Variants in SLC35F1 observed in about 807,000 individuals in gnomAD.
SLC35F1 encodes chromosome 6 open reading frame 169.
SLC35F1 carries 14 observed loss-of-function variants against 48.7 expected under a neutral mutation model. The ratio of observed to expected loss-of-function variants is 0.29; its 90% confidence interval spans 0.19 to 0.45. The LOEUF is 0.45. Ranked by LOEUF, SLC35F1 falls within the 20% of genes least tolerant of loss-of-function variation. SLC35F1 has a pLI of 1.00. For missense variants in SLC35F1, 404 were observed against 500.0 expected (o/e 0.81, Z 1.83); for synonymous variants, 190 against 202.2 (o/e 0.94, Z 0.51).
chr6:118,232,527 GAC>G (rs1256268069), intron 2 of SLC35F1, among the ~76,000 whole-genome samples: 6 of 123,570 alleles, frequency 4.9e-5, no homozygotes, highest in African/African-American at 3.3e-5. Context: ...CAGCCTGGGT[GAC>G]AAGAGTGAAA....
chr6:117,995,007 A>G (rs1776966923), intron 1 of SLC35F1, among the ~76,000 whole-genome samples: 1 of 152,186 alleles, frequency 6.6e-6, no homozygotes, highest in Non-Finnish European at 1.5e-5. Flanking sequence ...GAATTACAAT[A>G]CATGTTGGGG....
intron 2 of SLC35F1, among the ~76,000 whole-genome samples, chr6:118,203,741 A>G (rs1044695317): frequency 2.6e-5 from 4 of 152,212 alleles, no homozygotes; most frequent in African/African-American, 9.7e-5. Flanking sequence ...CATGTAATCC[A>G]AATTGCACTA....
intron 1 of SLC35F1, among the ~76,000 whole-genome samples, chr6:117,927,135 T>A (rs1432555129): frequency 6.6e-6 from 1 of 152,166 alleles, no homozygotes; most frequent in Admixed American, 6.5e-5. Context: ...CTGAAGAGGA[T>A]TAAAGATGGT....
chr6:118,209,994 T>C (rs1190996801), intron 2 of SLC35F1, among the ~76,000 whole-genome samples: 1 of 152,222 alleles, frequency 6.6e-6, no homozygotes, highest in Non-Finnish European at 1.5e-5. Flanking sequence ...ATCATTTAAA[T>C]GGCCTGCTAT....
At chr6:117,948,543 T>C (rs1295614142) in intron 1 of SLC35F1, among the ~76,000 whole-genome samples, 2 of 152,188 alleles carry the variant, frequency 1.3e-5, no homozygotes, top group Non-Finnish European at 2.9e-5. Flanking sequence ...TATTCATTTA[T>C]GTAGCAAACA....
chr6:118,135,780 T>G (rs947192041), intron 1 of SLC35F1, among the ~76,000 whole-genome samples: 1 of 152,214 alleles, frequency 6.6e-6, no homozygotes, highest in Non-Finnish European at 1.5e-5. Context: ...TCACATTCTC[T>G]CCAATGTATT....
chr6:118,210,725 G>C (rs965398549), intron 2 of SLC35F1, among the ~76,000 whole-genome samples: 1 of 152,210 alleles, frequency 6.6e-6, no homozygotes, highest in Non-Finnish European at 1.5e-5. Context: ...AACCTGTTGT[G>C]TCTCCTTGAC....
At chr6:118,270,205 A>G (rs892045029) in intron 4 of SLC35F1, among the ~76,000 whole-genome samples, 29 of 152,176 alleles carry the variant, frequency 1.9e-4, no homozygotes, top group Non-Finnish European at 2.9e-4. Flanking sequence ...CTTTGACTTC[A>G]TTATAATTAA....
intron 2 of SLC35F1, among the ~76,000 whole-genome samples, chr6:118,189,013 G>A (rs1774697752): frequency 6.6e-6 from 1 of 152,252 alleles, no homozygotes; most frequent in East Asian, 1.9e-4. Flanking sequence ...CTGGGCTCGA[G>A]CAATCCTCCC....
intron 2 of SLC35F1, among the ~76,000 whole-genome samples, chr6:118,189,754 T>C (rs1000776463): frequency 2.6e-5 from 4 of 152,196 alleles, no homozygotes; most frequent in Non-Finnish European, 1.5e-5. Flanking sequence ...TCACAGAAGA[T>C]TCAGAGAGAA....
chr6:118,196,721 T>C (rs1774805396), intron 2 of SLC35F1, among the ~76,000 whole-genome samples: 1 of 151,906 alleles, frequency 6.6e-6, no homozygotes, highest in Non-Finnish European at 1.5e-5. Flanking sequence ...AGACTCTGTC[T>C]CAAAAAAAAT....
intron 3 of SLC35F1, among the ~76,000 whole-genome samples, chr6:118,251,255 A>G (rs1412314590): frequency 6.6e-6 from 1 of 152,184 alleles, no homozygotes; most frequent in Non-Finnish European, 1.5e-5. Flanking sequence ...TAAATGAGTC[A>G]AGAAAGACCA....
chr6:118,273,787 A>G (rs909007463), intron 4 of SLC35F1, among the ~76,000 whole-genome samples: 2 of 152,132 alleles, frequency 1.3e-5, no homozygotes, highest in African/African-American at 2.4e-5. Context: ...CTAACTCCCC[A>G]TGAACCCAAA....
At chr6:118,128,014 A>G (rs1582681023) in intron 1 of SLC35F1, among the ~76,000 whole-genome samples, 2 of 151,998 alleles carry the variant, frequency 1.3e-5, no homozygotes, top group East Asian at 3.9e-4. Flanking sequence ...ATGAACAGAC[A>G]CTTCTCAAAA....
At chr6:118,272,777 A>ATG (rs1775872866) in intron 4 of SLC35F1, among the ~76,000 whole-genome samples, 1 of 146,578 alleles carries the variant, frequency 6.8e-6, no homozygotes, top group Non-Finnish European at 1.5e-5. Flanking sequence ...ATATATATAT[A>ATG]CCATTTTTTA....
At chr6:118,000,890 A>G (rs1562260706) in intron 1 of SLC35F1, among the ~76,000 whole-genome samples, 1 of 152,188 alleles carries the variant, frequency 6.6e-6, no homozygotes, top group Non-Finnish European at 1.5e-5. Flanking sequence ...TCCAACTTAC[A>G]GGGGACATGA....
chr6:118,250,156 C>T (rs980956531), intron 3 of SLC35F1, among the ~76,000 whole-genome samples: 1 of 152,216 alleles, frequency 6.6e-6, no homozygotes, highest in African/African-American at 2.4e-5. Flanking sequence ...GAACTCTTCT[C>T]TAACCACCCT....
At position 117,949,302 on chromosome 6, in the gene SLC35F1, A is replaced by C. The variant is rs531206755; in HGVS notation, c.173+41403A>C. On this transcript the variant is annotated intron_variant, in intron 1 of 7. Coordinates refer to ENST00000360388, the MANE Select transcript of SLC35F1 (RefSeq NM_001029858.4). ...CTGATGCTGACAATGTTAGTTCATT[A>C]GTCTTAACATGCTTCTCCAGTATTT... 1.2e-4 allele frequency among the ~76,000 whole-genome samples: 18 copies of C among 152,318 alleles called. No individual in the cohort carries two copies. The South Asian group carries it at 3.5e-3, about 30-fold the overall frequency.
At chr6:117,924,517 T>TGTATATAC (rs1333086402) in intron 1 of SLC35F1, among the ~76,000 whole-genome samples, 2 of 110,318 alleles carry the variant, frequency 1.8e-5, no homozygotes, top group Non-Finnish European at 3.9e-5. Flanking sequence ...TATATACATA[T>TGTATATAC]ATATATGTCA....
Sources: gnomAD v4.1 joint callset for allele counts (sites outside exome capture counted in the v4.1 genomes callset) on GRCh38, gnomAD v4.1.1 for gene constraint, MANE v1.5 for transcripts, NCBI Gene and HGNC (gene_info 2026-07-23, HGNC 2026-07-21) for gene names.